The following DGKK variants were observed in gnomAD, a reference collection of about 807,000 sequenced individuals.
DGKK encodes the protein 142 kDa diacylglycerol kinase.
A neutral mutation model predicts 92.2 loss-of-function variants in DGKK; 35 were observed. The observed-to-expected ratio is 0.38, with a 90% confidence interval of 0.29 to 0.50. The LOEUF (loss-of-function observed/expected upper bound fraction) is 0.50, where lower values mean the gene tolerates loss of function less well. Among genes scored for constraint, DGKK ranks in the 20% least tolerant of loss-of-function variants. The pLI is 0.92. For missense variants in DGKK, 910 were observed against 992.2 expected (o/e 0.92, Z 1.11); for synonymous variants, 368 against 360.6 (o/e 1.02, Z -0.23).
intron 4 of DGKK, among the ~76,000 whole-genome samples, chrX:50,411,951 C>T (rs1925315733): frequency 9.0e-6 from 1 of 111,324 alleles, no homozygotes; most frequent in Non-Finnish European, 1.9e-5. Context: ...TCCAAAATGC[C>T]TGGGACCAAA....
chrX:50,379,560 G>T, intron 20 of DGKK, 67 bp downstream of exon 20: 1 of 936,529 alleles, frequency 1.1e-6, no homozygotes, highest in Non-Finnish European at 1.5e-6. Flanking sequence ...TTAGCACAAT[G>T]CTTCCTTCAG....
chrX:50,433,833 G>T (rs181510009), intron 1 of DGKK, among the ~76,000 whole-genome samples: 140 of 111,041 alleles, frequency 1.3e-3, no homozygotes, highest in African/African-American at 4.4e-3. Flanking sequence ...GAAAAGAAGC[G>T]TTTTGGTCAC....
chrX:50,411,113 AT>A (rs781813707), intron 4 of DGKK, among the ~76,000 whole-genome samples: 5 of 111,355 alleles, frequency 4.5e-5, no homozygotes, highest in African/African-American at 1.6e-4. Context: ...GGGTGCTCTG[AT>A]TAACTCTTCC....
intron 1 of DGKK, among the ~76,000 whole-genome samples, chrX:50,447,337 TATATATTATATATATATATAATA>T (rs1926344047): frequency 8.1e-5 from 2 of 24,620 alleles, no homozygotes; most frequent in African/African-American, 2.7e-4. Flanking sequence ...TATATATATA[TATATATTATATATATATATAATA>T]TATATATATT....
At chrX:50,443,621 T>C (rs1286123896) in intron 1 of DGKK, among the ~76,000 whole-genome samples, 3 of 110,981 alleles carry the variant, frequency 2.7e-5, no homozygotes, top group Non-Finnish European at 3.8e-5. Flanking sequence ...TGTATAACTA[T>C]AGTATGATAG....
chrX:50,370,879 C>G (rs1557223088), intron 26 of DGKK, among the ~76,000 whole-genome samples: 1 of 112,464 alleles, frequency 8.9e-6, no homozygotes, highest in Non-Finnish European at 1.9e-5. Flanking sequence ...TTCACCTGAG[C>G]TCATGTGGCT....
At chrX:50,384,296 A>T (rs782719543) in intron 16 of DGKK, 32 bp from the exon 17 acceptor site, 10 of 1,028,980 alleles carry the variant, frequency 9.7e-6, no homozygotes, top group Non-Finnish European at 1.3e-5. Flanking sequence ...TGGGTGACGG[A>T]TACAAACAAA....
rs1487306726 is a variant in DGKK at position 50,447,408 on chromosome X, T to A, written c.645+22626A>T. Among the ~76,000 whole-genome samples the A allele has an allele frequency of 2.3e-4, 3 of 13,200 alleles. 1 individual carries two copies. Among genetic ancestry groups the A allele is most frequent in the African/African-American group, 1.5e-3 (2 of 1,319 alleles). The allele number at this position is 13,200 out of a possible 115,157, so 11.5% of individuals were successfully genotyped here. ...AATATATATATATTATATATATATA[T>A]AATATATATATATATATATTATATA... On this transcript the variant is annotated intron_variant, in intron 1 of 27. Transcript: ENST00000611977.
chrX:50,469,878 A>G (rs1401587825), intron 1 of DGKK, among the ~76,000 whole-genome samples, 156 bp downstream of exon 1: 2 of 104,811 alleles, frequency 1.9e-5, no homozygotes, highest in East Asian at 6.6e-4. Context: ...ACCCCTTCCC[A>G]TTCCCCCGGG....
intron 17 of DGKK, among the ~76,000 whole-genome samples, chrX:50,383,781 T>C (rs1372474305): frequency 8.9e-6 from 1 of 112,014 alleles, no homozygotes; most frequent in Non-Finnish European, 1.9e-5. Context: ...ATTTTAGTTT[T>C]TAGTATCTTC....
intron 1 of DGKK, among the ~76,000 whole-genome samples, chrX:50,457,381 G>C (rs1023269062): frequency 9.0e-6 from 1 of 110,988 alleles, no homozygotes; most frequent in Non-Finnish European, 1.9e-5. Context: ...AAAGTCCTTC[G>C]ACCATCAAAG....
intron 1 of DGKK, 65 bp from the exon 2 acceptor site, chrX:50,424,423 T>C: frequency 1.0e-6 from 1 of 1,001,649 alleles, no homozygotes; most frequent in Non-Finnish European, 1.4e-6. Flanking sequence ...ACTTGTTTTC[T>C]CAGATGGAAA....
chrX:50,426,230 C>T (rs1934185), intron 1 of DGKK, among the ~76,000 whole-genome samples: 1 of 111,844 alleles, frequency 8.9e-6, no homozygotes, highest in Admixed American at 9.5e-5. Flanking sequence ...CTACTTTTCC[C>T]TTCCCTCCAT....
At chrX:50,391,705 T>C (rs1924700233) in intron 10 of DGKK, 129 bp from the exon 11 acceptor site, 1 of 750,971 alleles carries the variant, frequency 1.3e-6, no homozygotes, top group Non-Finnish European at 1.9e-6. Context: ...GGACTTCAGA[T>C]TCTGGGGAAG....
intron 4 of DGKK, 142 bp from the exon 5 acceptor site, chrX:50,404,326 C>T: frequency 3.1e-6 from 2 of 645,126 alleles, no homozygotes; most frequent in Non-Finnish European, 4.3e-6. Context: ...AAAGTTGGAG[C>T]CAATACCTGG....
intron 4 of DGKK, among the ~76,000 whole-genome samples, chrX:50,412,394 T>C (rs1348332330): frequency 8.9e-6 from 1 of 112,024 alleles, no homozygotes; most frequent in African/African-American, 3.2e-5. Flanking sequence ...CCCAAAGCAA[T>C]CTACAGATTC....
Position 50,388,866 on chromosome X carries a change from G to A in DGKK, c.1927-248C>T, listed in dbSNP as rs148807335. Among the ~76,000 whole-genome samples, 3 of 111,906 alleles carry A rather than the reference G, an allele frequency of 2.7e-5. No individual in the cohort carries two copies. The East Asian group carries it at 8.4e-4, about 31-fold the overall frequency. On this transcript the variant is annotated intron_variant, in intron 12 of 27. Transcript: ENST00000611977. ...ATAATCAAAACCTCATATGAAGGAG[G>A]TACTATTTCTTTCATGTTTCAAATG... is the stretch of plus-strand genomic sequence containing the variant.
chrX:50,422,831 C>T (rs782174863), intron 2 of DGKK, among the ~76,000 whole-genome samples: 1 of 112,385 alleles, frequency 8.9e-6, no homozygotes, highest in East Asian at 2.8e-4. Context: ...AACATAAAGG[C>T]TTATGCTGGA....
intron 1 of DGKK, among the ~76,000 whole-genome samples, chrX:50,430,190 C>T (rs1925851594): frequency 8.9e-6 from 1 of 112,003 alleles, no homozygotes; most frequent in South Asian, 3.7e-4. Flanking sequence ...TGCTTGGTGG[C>T]CACATTTATA....
Sources: allele counts gnomAD v4.1 joint callset (sites outside exome capture counted in the v4.1 genomes callset), GRCh38; gene constraint gnomAD v4.1.1; transcripts MANE v1.5; gene names NCBI Gene and HGNC (gene_info 2026-07-23, HGNC 2026-07-21).